CSMD1: variants seen among roughly 807,000 people sequenced by gnomAD.
The protein encoded by CSMD1 is CUB and Sushi multiple domains 1.
CSMD1 carries 213 observed loss-of-function variants against 417.5 expected under a neutral mutation model. The ratio of observed to expected loss-of-function variants is 0.51; its 90% confidence interval spans 0.46 to 0.57. The LOEUF is 0.57. Among genes scored for constraint, CSMD1 ranks in the 20% least tolerant of loss-of-function variants. CSMD1 has a pLI of 0.00. For synonymous variants in CSMD1, 2,862 were observed against 1,736.8 expected (o/e 1.65, Z -16.11); for missense variants, 6,923 against 4,529.7 (o/e 1.53, Z -15.17).
At chr8:3,688,832 T>G (rs1800080338) in intron 7 of CSMD1, among the ~76,000 whole-genome samples, 1 of 152,076 alleles carries the variant, frequency 6.6e-6, no homozygotes, top group African/African-American at 2.4e-5. Context: ...TAGTGGTTAA[T>G]TAACTGATAG....
intron 50 of CSMD1, among the ~76,000 whole-genome samples, chr8:3,046,902 A>T (rs1251655492): frequency 6.6e-6 from 1 of 152,192 alleles, no homozygotes; most frequent in Non-Finnish European, 1.5e-5. Flanking sequence ...TAGCTTAGAT[A>T]AATGTCTAGA....
chr8:3,371,974 G>A (rs527956274), intron 18 of CSMD1, among the ~76,000 whole-genome samples: 49 of 152,198 alleles, frequency 3.2e-4, no homozygotes, highest in Non-Finnish European at 6.3e-4. Context: ...CATCAGGGAT[G>A]ATTAATAATA....
At chr8:3,758,644 C>A (rs986410348) in intron 5 of CSMD1, among the ~76,000 whole-genome samples, 8 of 152,180 alleles carry the variant, frequency 5.3e-5, no homozygotes, top group African/African-American at 1.9e-4. Flanking sequence ...AACTCTCTAA[C>A]AACTTGGTGT....
intron 5 of CSMD1, among the ~76,000 whole-genome samples, chr8:3,790,470 G>C (rs1389526569): frequency 3.9e-5 from 6 of 152,154 alleles, no homozygotes; most frequent in East Asian, 1.9e-4. Context: ...AATGTTGATG[G>C]TGATGCTAAT....
intron 1 of CSMD1, among the ~76,000 whole-genome samples, chr8:4,988,949 T>A (rs957992005): frequency 1.3e-5 from 2 of 152,172 alleles, no homozygotes; most frequent in Non-Finnish European, 2.9e-5. Flanking sequence ...TTCCGTTACT[T>A]ACCAACCTCA....
At chr8:4,591,057 G>A (rs1217217580) in intron 2 of CSMD1, among the ~76,000 whole-genome samples, 4 of 152,136 alleles carry the variant, frequency 2.6e-5, no homozygotes, top group Non-Finnish European at 1.5e-5. Flanking sequence ...CTGTGTTCTT[G>A]TCTCCAACAG....
In CSMD1 at chr8:3,157,966, C is replaced by G; in HGVS notation, c.5845G>C (p.Gly1949Arg). The G allele has an allele frequency of 6.4e-7, 1 of 1,552,670 alleles. No homozygotes were observed. Among genetic ancestry groups the G allele is most frequent in the Non-Finnish European group, 8.7e-7 (1 of 1,147,560 alleles). ...FQCEPGYTLQ[G>R]RSHISCMPGT... ...GGCATACAGGAAATGTGGGAACGGCCCTGTTTAAAAGAAAACAAAAGAAAA... is the reference window on the plus strand; with the variant it reads ...GGCATACAGGAAATGTGGGAACGGCGCTGTTTAAAAGAAAACAAAAGAAAA... Residue 1949 changes from glycine (G) to arginine (R), a missense_variant and splice_region_variant, in exon 39 of 70, where the codon GGC becomes CGC. By Grantham distance (125) the Gly-to-Arg change is moderately radical. Transcript: ENST00000635120.
At chr8:4,524,026 T>C (rs551539568) in intron 2 of CSMD1, among the ~76,000 whole-genome samples, 2 of 152,234 alleles carry the variant, frequency 1.3e-5, no homozygotes, top group Non-Finnish European at 2.9e-5. Flanking sequence ...CAACATTAAA[T>C]GTAGTTTCTG....
chr8:3,337,683 G>C (rs928100324), intron 23 of CSMD1, among the ~76,000 whole-genome samples: 2 of 152,150 alleles, frequency 1.3e-5, no homozygotes, highest in Non-Finnish European at 2.9e-5. Context: ...GACCAGTCTT[G>C]CGTCTGCTGA....
intron 1 of CSMD1, among the ~76,000 whole-genome samples, chr8:4,985,482 A>C (rs544849947): frequency 1.3e-5 from 2 of 152,362 alleles, no homozygotes; most frequent in East Asian, 1.9e-4. Context: ...TTAGGTGAGC[A>C]AAATTATGAG....
chr8:3,977,249 T>A (rs935794266), intron 5 of CSMD1, among the ~76,000 whole-genome samples: 2 of 152,148 alleles, frequency 1.3e-5, no homozygotes, highest in African/African-American at 4.8e-5. Context: ...ATTCCACCTA[T>A]GATAATTTCC....
chr8:3,604,255 G>C (rs1402156288), intron 8 of CSMD1, among the ~76,000 whole-genome samples: 1 of 152,096 alleles, frequency 6.6e-6, no homozygotes, highest in Non-Finnish European at 1.5e-5. Flanking sequence ...AGAATTTCTG[G>C]CTGGTCAGTG....
intron 2 of CSMD1, among the ~76,000 whole-genome samples, chr8:4,468,668 C>G (rs1304208647): frequency 6.6e-6 from 1 of 152,112 alleles, no homozygotes; most frequent in Non-Finnish European, 1.5e-5. Context: ...TAGATCTCCT[C>G]CCCTGGACTG....
chr8:3,255,010 C>A (rs369682930), intron 26 of CSMD1, among the ~76,000 whole-genome samples: 1 of 151,926 alleles, frequency 6.6e-6, no homozygotes, highest in East Asian at 1.9e-4. Context: ...TTTTATCTAC[C>A]TTTGGTCTTT....
intron 37 of CSMD1, among the ~76,000 whole-genome samples, chr8:3,165,267 T>C (rs945629959): frequency 5.3e-5 from 8 of 152,030 alleles, no homozygotes; most frequent in African/African-American, 1.7e-4. Context: ...TGCTACTATA[T>C]TAAAAGGAGT....
At chr8:4,183,424 G>C (rs866947295) in intron 3 of CSMD1, among the ~76,000 whole-genome samples, 1 of 152,060 alleles carries the variant, frequency 6.6e-6, no homozygotes, top group East Asian at 1.9e-4. Context: ...ACATACTGTG[G>C]GTCACAGCTT....
At chr8:4,932,859 T>G (rs1208195822) in intron 1 of CSMD1, among the ~76,000 whole-genome samples, 1 of 152,238 alleles carries the variant, frequency 6.6e-6, no homozygotes, top group Non-Finnish European at 1.5e-5. Flanking sequence ...TGTCGACGCC[T>G]CAAACATAGG....
intron 1 of CSMD1, among the ~76,000 whole-genome samples, chr8:4,679,750 T>C (rs186596061): frequency 6.6e-6 from 1 of 152,336 alleles, no homozygotes; most frequent in Non-Finnish European, 1.5e-5. Context: ...AACTACTTAT[T>C]TCTTTAAATG....
At chr8:4,544,561 A>G (rs1797551394) in intron 2 of CSMD1, among the ~76,000 whole-genome samples, 1 of 152,160 alleles carries the variant, frequency 6.6e-6, no homozygotes. Context: ...TAGAGGACAC[A>G]GAAGGAAAAA....
Sources: allele counts gnomAD v4.1 joint callset (sites outside exome capture counted in the v4.1 genomes callset), GRCh38; gene constraint gnomAD v4.1.1; transcripts MANE v1.5; gene names NCBI Gene and HGNC (gene_info 2026-07-23, HGNC 2026-07-21).